The following PCSK5 variants were observed in gnomAD, a reference collection of about 807,000 sequenced individuals.
The protein encoded by PCSK5 is proprotein convertase subtilisin/kexin type 5, also known as prohormone convertase 5.
Under a neutral mutation model 233.2 loss-of-function variants are expected in PCSK5, and 129 were observed. The observed-to-expected ratio is 0.55, with a 90% CI of 0.48 to 0.64. The LOEUF (loss-of-function observed/expected upper bound fraction) is 0.64. Among genes scored for constraint, PCSK5 ranks in the 30% least tolerant of loss-of-function variants. The pLI is 0.00. For missense variants in PCSK5, 2,076 were observed against 2,430.1 expected, an observed-to-expected ratio of 0.85 and a Z score of 3.06; for synonymous variants, 825 against 879.2, an observed-to-expected ratio of 0.94 and a Z score of 1.09.
At chr9:76,088,885 A>C (rs1380544312) in intron 7 of PCSK5, among the ~76,000 whole-genome samples, 1 of 151,836 alleles carries the variant, frequency 6.6e-6, no homozygotes, top group Non-Finnish European at 1.5e-5. Flanking sequence ...TACAAAAAAC[A>C]GTAGTTTTTA....
rs146960713 is a variant in PCSK5 at position 75,978,121 on chromosome 9, C to T, written c.298-8011C>T. On this transcript the variant is annotated intron_variant, in intron 2 of 37. Coordinates refer to ENST00000674117, the MANE Select transcript of PCSK5 (RefSeq NM_001372043.1). ...AGGATTAAGCCTAAATTTTTGGCTC[C>T]TTTTTTTCCACTCCCTTCTATTTAA... Among the ~76,000 whole-genome samples, 686 of 152,176 alleles carry T rather than the reference C, an allele frequency of 4.5e-3. 5 individuals carry two copies. The highest frequency in any genetic ancestry group is 0.016 in the African/African-American group (649 of 41,530).
chr9:76,279,348 T>C (rs1827794093), intron 24 of PCSK5, among the ~76,000 whole-genome samples: 2 of 149,198 alleles, frequency 1.3e-5, no homozygotes, highest in African/African-American at 5.1e-5. Context: ...GTCTTTGCTA[T>C]TGTGAATAAT....
chr9:76,244,801 A>G (rs1373102366), intron 24 of PCSK5, among the ~76,000 whole-genome samples: 1 of 152,200 alleles, frequency 6.6e-6, no homozygotes, highest in East Asian at 1.9e-4. Flanking sequence ...TGAATTAAAT[A>G]CTTTGAGACG....
At chr9:75,891,963 T>G (rs1395926885) in intron 1 of PCSK5, among the ~76,000 whole-genome samples, 1 of 151,586 alleles carries the variant, frequency 6.6e-6, no homozygotes, top group African/African-American at 2.4e-5. Context: ...GGCCCCGGTG[T>G]GAGTGCAGAT....
intron 35 of PCSK5, among the ~76,000 whole-genome samples, chr9:76,350,589 T>C (rs2377634): frequency 0.23 from 35,601 of 152,168 alleles, 4,350 homozygotes; most frequent in Middle Eastern, 0.41. Flanking sequence ...TTCCTCTTGC[T>C]GTAATAAAAG....
At chr9:76,326,211 C>G (rs1265145525) in intron 32 of PCSK5, among the ~76,000 whole-genome samples, 2 of 151,972 alleles carry the variant, frequency 1.3e-5, no homozygotes, top group Non-Finnish European at 2.9e-5. Context: ...GACCCTATTT[C>G]TAAAACAAAA....
At chr9:76,173,252 G>A (rs1196415202) in intron 13 of PCSK5, among the ~76,000 whole-genome samples, 1 of 152,066 alleles carries the variant, frequency 6.6e-6, no homozygotes, top group African/African-American at 2.4e-5. Flanking sequence ...TCGATTTGTT[G>A]GTGATGGTAG....
At chr9:76,326,901 A>G (rs1829377530) in intron 32 of PCSK5, among the ~76,000 whole-genome samples, 1 of 152,206 alleles carries the variant, frequency 6.6e-6, no homozygotes, top group Non-Finnish European at 1.5e-5. Context: ...TCATTGAGAA[A>G]GGCAGGAAGC....
intron 35 of PCSK5, among the ~76,000 whole-genome samples, chr9:76,342,460 CA>C (rs1829863157): frequency 6.6e-6 from 1 of 152,066 alleles, no homozygotes; most frequent in African/African-American, 2.4e-5. Context: ...TTAGGGAAAA[CA>C]AGATGAGAAA....
chr9:75,997,796 TA>T (rs923168458), intron 3 of PCSK5, among the ~76,000 whole-genome samples: 2 of 152,034 alleles, frequency 1.3e-5, no homozygotes, highest in African/African-American at 2.4e-5. Context: ...TTCTTTATGC[TA>T]AAAAAAAGCC....
At chr9:76,206,355 A>G (rs956273157) in intron 20 of PCSK5, among the ~76,000 whole-genome samples, 12 of 152,190 alleles carry the variant, frequency 7.9e-5, no homozygotes, top group African/African-American at 2.9e-4. Flanking sequence ...CCTCATCTAT[A>G]AAAAGAAAGT....
chr9:76,146,084 C>T (rs1406243432), intron 10 of PCSK5, among the ~76,000 whole-genome samples: 1 of 151,846 alleles, frequency 6.6e-6, no homozygotes, highest in African/African-American at 2.4e-5. Context: ...ATGCTCACAT[C>T]TTGCTAGCCT....
intron 10 of PCSK5, among the ~76,000 whole-genome samples, chr9:76,156,076 A>T (rs1412225163): frequency 6.6e-6 from 1 of 152,260 alleles, no homozygotes; most frequent in Non-Finnish European, 1.5e-5. Context: ...AAATGTTTGC[A>T]TAAAGTCATT....
intron 20 of PCSK5, among the ~76,000 whole-genome samples, chr9:76,217,685 G>C (rs1016862972): frequency 6.6e-6 from 1 of 152,128 alleles, no homozygotes; most frequent in African/African-American, 2.4e-5. Context: ...ATCGTCATCC[G>C]AGCACACAGT....
chr9:75,894,190 A>AT (rs1478792291), intron 1 of PCSK5, among the ~76,000 whole-genome samples: 2 of 152,162 alleles, frequency 1.3e-5, no homozygotes, highest in African/African-American at 4.8e-5. Context: ...TCCTGGTAGT[A>AT]TTTTTTATAT....
chr9:75,953,436 A>G (rs1824954130), intron 2 of PCSK5, among the ~76,000 whole-genome samples: 1 of 152,138 alleles, frequency 6.6e-6, no homozygotes, highest in Non-Finnish European at 1.5e-5. Context: ...AGGTTGATGC[A>G]GGGTTTAAAG....
intron 19 of PCSK5, 94 bp from the exon 20 acceptor site, chr9:76,189,537 A>ATAAT (rs1364561467): frequency 2.6e-6 from 2 of 778,996 alleles, no homozygotes; most frequent in African/African-American, 1.7e-5. Flanking sequence ...CTTCAGAGGG[A>ATAAT]TAATTAAATG....
chr9:76,301,807 G>A (rs547508823), intron 27 of PCSK5, among the ~76,000 whole-genome samples: 135 of 152,058 alleles, frequency 8.9e-4, no homozygotes, highest in Non-Finnish European at 1.7e-3. Flanking sequence ...TGGCGCCACC[G>A]CACTCTGGCC....
chr9:76,140,270 T>C (rs1315797652), intron 10 of PCSK5, among the ~76,000 whole-genome samples: 12 of 152,140 alleles, frequency 7.9e-5, no homozygotes, highest in Non-Finnish European at 2.9e-5. Flanking sequence ...AGTGGTTTTG[T>C]GATTTTGCCA....
Sources: allele counts gnomAD v4.1 joint callset (sites outside exome capture counted in the v4.1 genomes callset), GRCh38; gene constraint gnomAD v4.1.1; transcripts MANE v1.5; gene names NCBI Gene and HGNC (gene_info 2026-07-23, HGNC 2026-07-21).